TRAF3IP1: variants seen among roughly 807,000 people sequenced by gnomAD.
TRAF3IP1 encodes intraflagellar transport 54.
In TRAF3IP1, 53 loss-of-function variants were observed where a neutral mutation model predicts 89.9. The ratio of observed to expected loss-of-function variants is 0.59; its 90% confidence interval spans 0.47 to 0.74. TRAF3IP1 has a LOEUF of 0.74. TRAF3IP1 is among the 30% of genes least tolerant of loss of function. The pLI is 0.00. For synonymous variants in TRAF3IP1, 311 were observed against 322.1 expected, an observed-to-expected ratio of 0.97 and a Z score of 0.37; for missense variants, 806 against 866.1, an observed-to-expected ratio of 0.93 and a Z score of 0.87.
rs1412352300 is a variant in TRAF3IP1, at chr2:238,341,778, G to T, written c.1160-2719G>T. The stretch of plus-strand genomic sequence containing the variant: ...ATGGCTCTGTGAGGCGGGGCAAACT[G>T]GGCAAACTGCGGCTCAGGAAGGCTG... On this transcript the variant is annotated intron_variant, in intron 8 of 16. Transcript: ENST00000373327. 2.0e-5 allele frequency among the ~76,000 whole-genome samples: 3 copies of T among 152,190 alleles called. No individual in the cohort carries two copies. The East Asian group carries it at 5.8e-4, about 29-fold the overall frequency.
chr2:238,344,070 A>G (rs1698781590), intron 8 of TRAF3IP1, among the ~76,000 whole-genome samples: 4 of 152,182 alleles, frequency 2.6e-5, no homozygotes, highest in Admixed American at 1.3e-4. Flanking sequence ...GAAGTTTTCA[A>G]TATGGCCAGG....
Position 238,347,206 on chromosome 2 carries a change from C to T in TRAF3IP1, c.1262-249C>T, listed in dbSNP as rs1047888191. On this transcript the variant is annotated intron_variant, in intron 9 of 16. Transcript: ENST00000373327. ...TCTCCGATGTGCTTTCTCCACATCC[C>T]TGTGTCCTGTTTCTATTTAGTACCA... 6.1e-6 allele frequency: 3 copies of T among 493,344 alleles called. No individual in the cohort carries two copies. In the South Asian group the frequency reaches 7.6e-5, roughly 13 times the overall value. The allele number at this position is 493,344 out of a possible 1,614,324, so 30.6% of individuals were successfully genotyped here. A position where few individuals can be genotyped will look rare whatever the true frequency, so the allele number is the denominator to read the frequency against.
chr2:238,385,140 C>T (rs1000528969), intron 15 of TRAF3IP1, among the ~76,000 whole-genome samples: 25 of 152,060 alleles, frequency 1.6e-4, no homozygotes, highest in Admixed American at 1.4e-3. Flanking sequence ...CTCAGCCTCC[C>T]GAGTAGCTGG....
chr2:238,374,569 C>T (rs538356794), intron 15 of TRAF3IP1, among the ~76,000 whole-genome samples: 17 of 152,178 alleles, frequency 1.1e-4, no homozygotes, highest in Non-Finnish European at 1.8e-4. Flanking sequence ...ATGTTCATCA[C>T]GGATATTGGT....
chr2:238,347,150 C>G, intron 9 of TRAF3IP1: 1 of 326,474 alleles, frequency 3.1e-6, no homozygotes, highest in Non-Finnish European at 5.6e-6. Context: ...CTGGCTTTGT[C>G]GATTCTTGTC....
intron 8 of TRAF3IP1, among the ~76,000 whole-genome samples, chr2:238,341,745 G>A (rs996641614): frequency 6.6e-6 from 1 of 152,092 alleles, no homozygotes; most frequent in African/African-American, 2.4e-5. Context: ...GATCTCATTT[G>A]ACTCAGGATG....
At position 238,320,709 on chromosome 2, in the gene TRAF3IP1, T is replaced by G; in HGVS notation, c.47T>G (p.Val16Gly). 6.9e-7 allele frequency: 1 copy of G among 1,444,256 alleles called. No individual in the cohort carries two copies. Among genetic ancestry groups the G allele is most frequent in the Non-Finnish European group, 9.2e-7 (1 of 1,087,026 alleles). 89.5% of individuals were successfully genotyped at this position (1,444,256 alleles called of 1,614,324 possible). The change falls in exon 1 of 17, where the codon GTG becomes GGG. Residue 16 changes from valine to glycine, a missense_variant. Val to Gly is a moderately radical substitution (Grantham distance 109, BLOSUM62 -3). Coordinates refer to ENST00000373327, the MANE Select transcript of TRAF3IP1 (RefSeq NM_015650.4). The part of the protein sequence containing the change: ...VRRTQEALGK[V>G]IRRPPLTEKL... ...CGGACGCAGGAGGCGCTGGGGAAAG[T>G]GATTCGGAGGCCGCCGCTGACCGAG...
chr2:238,353,458 A>G (rs1306291598), intron 14 of TRAF3IP1, among the ~76,000 whole-genome samples: 9 of 152,200 alleles, frequency 5.9e-5, no homozygotes, highest in African/African-American at 1.7e-4. Flanking sequence ...CTCACTGGCA[A>G]CTGTCCTGCA....
At chr2:238,392,712 G>T (rs1263002795) in intron 15 of TRAF3IP1, among the ~76,000 whole-genome samples, 1 of 152,204 alleles carries the variant, frequency 6.6e-6, no homozygotes, top group Admixed American at 6.5e-5. Context: ...GAGTAGCTGG[G>T]ATTACAGGCA....
chr2:238,363,041 T>A (rs561080009), intron 15 of TRAF3IP1, among the ~76,000 whole-genome samples: 1 of 152,386 alleles, frequency 6.6e-6, no homozygotes, highest in South Asian at 2.1e-4. Context: ...AAATATCTTA[T>A]CTATACTTAG....
In TRAF3IP1 at chr2:238,348,788, A is replaced by G. The variant is rs781593880; in HGVS notation, c.1307A>G (p.Gln436Arg). 2 of 1,614,146 alleles carry G rather than the reference A, an allele frequency of 1.2e-6. No individual in the cohort carries two copies. The highest frequency in any genetic ancestry group is 1.7e-6 in the Non-Finnish European group (2 of 1,180,004). ...GAAGGAGATGCTGGACCTGCTGGCCAAGATAAGTCTGAGGTGCCAGAGACT... is the reference window on the plus strand; with the variant it reads ...GAAGGAGATGCTGGACCTGCTGGCCGAGATAAGTCTGAGGTGCCAGAGACT... ...DAEGDAGPAGQDKSEVPETPE... is the reference protein window; with the variant it reads ...DAEGDAGPAGRDKSEVPETPE... The change falls in exon 11 of 17, where the codon CAA (glutamine) becomes CGA (arginine). Residue 436 changes from glutamine to arginine, a missense_variant. Transcript: ENST00000373327.
rs138683387 is a variant in TRAF3IP1 at position 238,351,884 on chromosome 2, C to T, written c.1452-943C>T. 2.7e-4 allele frequency among the ~76,000 whole-genome samples: 40 copies of T among 148,192 alleles called. No individual in the cohort carries two copies. The East Asian group carries it at 4.0e-3, about 15-fold the overall frequency. On this transcript the variant is annotated intron_variant, in intron 12 of 16. Coordinates refer to ENST00000373327, the MANE Select transcript of TRAF3IP1 (RefSeq NM_015650.4). This position sits in a 1 kb window ranked among gnomAD's most constrained non-coding sequence, Gnocchi z 5.2. Reference sequence around the variant, plus strand: ...GTGTGTGTGCGCGCGCGCGCGTGTGCGTGCATGTGCTTGTGTGTATGCGTG... The same window carrying T: ...GTGTGTGTGCGCGCGCGCGCGTGTGTGTGCATGTGCTTGTGTGTATGCGTG...
At chr2:238,357,586 C>T (rs541926187) in intron 15 of TRAF3IP1, among the ~76,000 whole-genome samples, 5 of 152,274 alleles carry the variant, frequency 3.3e-5, no homozygotes, top group African/African-American at 1.2e-4. Context: ...AGAATGTTGT[C>T]GGCGGAGGCT....
intron 1 of TRAF3IP1, among the ~76,000 whole-genome samples, 162 bp from the exon 2 acceptor site, chr2:238,325,144 C>G (rs1683201019): frequency 1.3e-5 from 2 of 152,218 alleles, no homozygotes; most frequent in Non-Finnish European, 2.9e-5. Flanking sequence ...GGCTTCTGCC[C>G]TGCACAGCAC....
rs1034918061 is a variant in TRAF3IP1 at position 238,371,298 on chromosome 2, G to T, written c.1689+15218G>T. On this transcript the variant is annotated intron_variant, in intron 15 of 16. Transcript: ENST00000373327. ...TTTTCGGTTTGTTTTTGTTTTTTTT[G>T]GTGGGGGGAACAACCAAAAACAATC... is the stretch of plus-strand genomic sequence containing the variant. 1.1e-4 allele frequency among the ~76,000 whole-genome samples: 17 copies of T among 151,650 alleles called. No individual in the cohort carries two copies. In the East Asian group the frequency reaches 1.9e-3, roughly 17 times the overall value.
chr2:238,340,997 A>G (rs894111181), intron 8 of TRAF3IP1, among the ~76,000 whole-genome samples: 16 of 152,068 alleles, frequency 1.1e-4, no homozygotes, highest in Non-Finnish European at 1.9e-4. Context: ...AGCTGGGACT[A>G]CAGGTGTGTG....
At chr2:238,324,830 C>A (rs1697739360) in intron 1 of TRAF3IP1, among the ~76,000 whole-genome samples, 1 of 151,814 alleles carries the variant, frequency 6.6e-6, no homozygotes, top group African/African-American at 2.4e-5. Context: ...TCTCGATCTT[C>A]TGACCTTGTG....
intron 5 of TRAF3IP1, 77 bp downstream of exon 5, chr2:238,329,419 T>TAGG (rs1277416428): frequency 5.5e-5 from 70 of 1,262,972 alleles, no homozygotes; most frequent in Middle Eastern, 2.4e-4. Flanking sequence ...TTACCTTTCT[T>TAGG]ACAATATGAC....
rs760018145 is a variant in TRAF3IP1 at position 238,329,287 on chromosome 2, A to T, written c.860A>T (p.His287Leu). 1 of 1,476,590 alleles carries T rather than the reference A, an allele frequency of 6.8e-7. No homozygotes were observed. The highest frequency in any genetic ancestry group is 9.0e-7 in the Non-Finnish European group (1 of 1,113,378). 91.5% of individuals were successfully genotyped at this position (1,476,590 alleles called of 1,614,324 possible). A position where few individuals can be genotyped will look rare whatever the true frequency, so the allele number is the denominator to read the frequency against. The change falls in exon 5 of 17, where the codon CAC becomes CTC. Residue 287 changes from histidine to leucine, a missense_variant. Transcript: ENST00000373327. Reference sequence around the variant, plus strand: ...AGACGGAGAGTGAAAAACGGGGAGCACTCCTGGGACCTGGACAGGGAGAAG... The same window carrying T: ...AGACGGAGAGTGAAAAACGGGGAGCTCTCCTGGGACCTGGACAGGGAGAAG... ...RDRRRVKNGE[H>L]SWDLDREKNR...
Sources: allele counts gnomAD v4.1 joint callset (sites outside exome capture counted in the v4.1 genomes callset), GRCh38; gene constraint gnomAD v4.1.1; non-coding constraint Gnocchi (gnomAD v3.1); transcripts MANE v1.5; gene names NCBI Gene and HGNC (gene_info 2026-07-23, HGNC 2026-07-21).